Variants in DLG2 observed in about 807,000 individuals in gnomAD.
DLG2 encodes discs large MAGUK scaffold protein 2.
DLG2 carries 45 observed loss-of-function variants against 132.5 expected under a neutral mutation model. That is an observed-to-expected ratio of 0.34 (90% CI 0.27 to 0.44). The LOEUF is 0.44. DLG2 is among the 20% of genes least tolerant of loss of function. The pLI, the probability that DLG2 is intolerant of heterozygous loss-of-function variation, is 1.00. For missense variants in DLG2, 1,045 were observed against 1,196.9 expected (o/e 0.87, Z 1.87); for synonymous variants, 424 against 419.6 (o/e 1.01, Z -0.13).
chr11:84,286,780 CT>C (rs2097914383), intron 7 of DLG2, among the ~76,000 whole-genome samples: 1 of 152,136 alleles, frequency 6.6e-6, no homozygotes, highest in South Asian at 2.1e-4. Context: ...AGAGATGCCC[CT>C]GAGCCATGGA....
chr11:83,489,275 T>G (rs1322248604), intron 21 of DLG2, among the ~76,000 whole-genome samples: 1 of 152,014 alleles, frequency 6.6e-6, no homozygotes. Flanking sequence ...AACATGGTAA[T>G]TCCTACTATA....
chr11:83,545,498 A>G (rs534352787), intron 19 of DLG2, among the ~76,000 whole-genome samples: 1 of 152,226 alleles, frequency 6.6e-6, no homozygotes, highest in East Asian at 1.9e-4. Flanking sequence ...AGGACCTGGT[A>G]GTGTGCCGGA....
chr11:84,501,043 C>T (rs2099202935), intron 7 of DLG2, among the ~76,000 whole-genome samples: 1 of 152,148 alleles, frequency 6.6e-6, no homozygotes, highest in African/African-American at 2.4e-5. Flanking sequence ...ACCCCATCCC[C>T]TGAACTCAGT....
At chr11:84,527,285 T>C (rs2099324196) in intron 7 of DLG2, among the ~76,000 whole-genome samples, 1 of 152,232 alleles carries the variant, frequency 6.6e-6, no homozygotes, top group South Asian at 2.1e-4. Context: ...AGGGTTTTTA[T>C]TGTACTTTTG....
At chr11:84,644,928 C>T (rs1371360198) in intron 6 of DLG2, among the ~76,000 whole-genome samples, 1 of 152,134 alleles carries the variant, frequency 6.6e-6, no homozygotes, top group Non-Finnish European at 1.5e-5. Context: ...AATTTGGAAC[C>T]TGCAGTGCTA....
At chr11:85,108,621 C>T (rs1360513386) in intron 6 of DLG2, among the ~76,000 whole-genome samples, 1 of 151,794 alleles carries the variant, frequency 6.6e-6, no homozygotes, top group Non-Finnish European at 1.5e-5. Context: ...TAAATATACC[C>T]AAGTGTTGTC....
chr11:84,106,836 T>C (rs1224219707), intron 9 of DLG2, among the ~76,000 whole-genome samples: 1 of 140,862 alleles, frequency 7.1e-6, no homozygotes, highest in African/African-American at 2.7e-5. Context: ...TGTGTGTGTG[T>C]GTGTGTTTGA....
At chr11:84,078,367 T>C (rs2096856609) in intron 10 of DLG2, among the ~76,000 whole-genome samples, 1 of 152,152 alleles carries the variant, frequency 6.6e-6, no homozygotes, top group East Asian at 1.9e-4. Context: ...TGCTTTTCAA[T>C]TTTATTAAAA....
At chr11:85,456,278 G>A (rs1372983067) in intron 3 of DLG2, among the ~76,000 whole-genome samples, 2 of 151,988 alleles carry the variant, frequency 1.3e-5, no homozygotes, top group Non-Finnish European at 2.9e-5. Context: ...TAGTTCTGAT[G>A]GTTATTTGTA....
chr11:84,339,651 T>C (rs1484939515), intron 7 of DLG2, among the ~76,000 whole-genome samples: 1 of 152,188 alleles, frequency 6.6e-6, no homozygotes, highest in East Asian at 1.9e-4. Flanking sequence ...TGGTGTCCTT[T>C]CCTTGGTCTA....
chr11:85,399,104 G>A (rs1408153119), intron 3 of DLG2, among the ~76,000 whole-genome samples: 1 of 151,932 alleles, frequency 6.6e-6, no homozygotes, highest in East Asian at 1.9e-4. Flanking sequence ...AAATCAATGT[G>A]CAAAAATCAC....
rs1047842351 is a variant in DLG2, at chr11:85,197,362, T to G, written c.187-42711A>C. ...CACTTTTAAAGAACAATGCACATAT[T>G]TATAGATACAGAAAACTTTGCATAA... On this transcript the variant is annotated intron_variant, in intron 4 of 27. Coordinates refer to ENST00000376104, the MANE Select transcript of DLG2 (RefSeq NM_001142699.3). Among the ~76,000 whole-genome samples the G allele has an allele frequency of 3.3e-5, 5 of 152,018 alleles. No homozygotes were observed. In the South Asian group the frequency reaches 6.2e-4, roughly 19 times the overall value.
chr11:84,436,060 C>A (rs1171244377), intron 7 of DLG2, among the ~76,000 whole-genome samples: 2 of 152,126 alleles, frequency 1.3e-5, no homozygotes, highest in Non-Finnish European at 1.5e-5. Flanking sequence ...AAACAAAACA[C>A]AACCTCAAAA....
intron 6 of DLG2, among the ~76,000 whole-genome samples, chr11:85,047,183 C>T (rs979977846): frequency 9.9e-5 from 15 of 151,932 alleles, no homozygotes; most frequent in Admixed American, 9.2e-4. Context: ...AGCCTAGTGA[C>T]ACTAAGACTA....
chr11:84,389,939 A>G (rs1182857908), intron 7 of DLG2, among the ~76,000 whole-genome samples: 1 of 152,184 alleles, frequency 6.6e-6, no homozygotes, highest in Admixed American at 6.5e-5. Context: ...AAATGCTAAC[A>G]ACAGTTATTC....
intron 6 of DLG2, among the ~76,000 whole-genome samples, chr11:84,785,271 G>T (rs1159054820): frequency 6.6e-6 from 1 of 151,842 alleles, no homozygotes; most frequent in Non-Finnish European, 1.5e-5. Flanking sequence ...AAATTCTCCT[G>T]TAGTGCTTCT....
chr11:83,484,439 A>C (rs1296928116), intron 21 of DLG2, among the ~76,000 whole-genome samples: 1 of 152,132 alleles, frequency 6.6e-6, no homozygotes, highest in Non-Finnish European at 1.5e-5. Context: ...TTGTCTCCTA[A>C]GCAAAAGACT....
chr11:83,479,374 C>T (rs1006175832), intron 22 of DLG2, among the ~76,000 whole-genome samples: 1 of 151,184 alleles, frequency 6.6e-6, no homozygotes, highest in Admixed American at 6.6e-5. Flanking sequence ...CATGCTATAA[C>T]GGGGGGGGGA....
intron 3 of DLG2, among the ~76,000 whole-genome samples, chr11:85,578,682 T>C (rs1363241815): frequency 6.6e-6 from 1 of 152,202 alleles, no homozygotes; most frequent in Non-Finnish European, 1.5e-5. Context: ...TACAATGAGA[T>C]ACCACCTCAC....
Sources: gnomAD v4.1 joint callset for allele counts (sites outside exome capture counted in the v4.1 genomes callset) on GRCh38, gnomAD v4.1.1 for gene constraint, MANE v1.5 for transcripts, NCBI Gene and HGNC (gene_info 2026-07-23, HGNC 2026-07-21) for gene names.